PTPRN2: variants seen among roughly 807,000 people sequenced by gnomAD.
PTPRN2 encodes the protein protein tyrosine phosphatase receptor type N2.
PTPRN2 carries 74 observed loss-of-function variants against 118.8 expected under a neutral mutation model. That is an observed-to-expected ratio of 0.62 (90% CI 0.52 to 0.76). PTPRN2 has a LOEUF of 0.76. PTPRN2 is among the 30% of genes least tolerant of loss of function. The probability of loss-of-function intolerance (pLI) is 0.00; values close to 1 mark genes in which losing one functional copy is unlikely to be tolerated. For synonymous variants in PTPRN2, 641 were observed against 608.0 expected (o/e 1.05, Z -0.80); for missense variants, 1,481 against 1,394.4 (o/e 1.06, Z -0.99).
At chr7:158,136,915 G>T (rs1818874402) in intron 7 of PTPRN2, among the ~76,000 whole-genome samples, 1 of 152,204 alleles carries the variant, frequency 6.6e-6, no homozygotes, top group Non-Finnish European at 1.5e-5. Flanking sequence ...CTAAATGGTA[G>T]ACGTGAAGGC....
At chr7:158,295,838 G>T (rs1297799888) in intron 3 of PTPRN2, among the ~76,000 whole-genome samples, 1 of 152,274 alleles carries the variant, frequency 6.6e-6, no homozygotes, top group East Asian at 1.9e-4. Context: ...CTGCCTGTCT[G>T]CCCAGATGCT....
chr7:158,124,473 G>A (rs185746632), intron 9 of PTPRN2, among the ~76,000 whole-genome samples: 134 of 152,328 alleles, frequency 8.8e-4, no homozygotes, highest in African/African-American at 2.7e-3. Flanking sequence ...CTGTACATCT[G>A]GTTTACTTTG....
chr7:157,666,074 G>A (rs1185139039), intron 13 of PTPRN2, among the ~76,000 whole-genome samples: 2 of 151,274 alleles, frequency 1.3e-5, no homozygotes, highest in African/African-American at 2.4e-5. Context: ...CATGGCACAT[G>A]TATACATATG....
At chr7:158,012,009 C>G (rs149309880) in intron 11 of PTPRN2, among the ~76,000 whole-genome samples, 2 of 152,280 alleles carry the variant, frequency 1.3e-5, no homozygotes, top group African/African-American at 4.8e-5. Flanking sequence ...ACTTCAGAAT[C>G]AACTTGGGTG....
rs1563314712 is a variant in PTPRN2 at position 158,455,814 on chromosome 7, C to CGG, written c.163+33920_163+33921insCC. Among the ~76,000 whole-genome samples the CGG allele has an allele frequency of 2.5e-4, 27 of 110,088 alleles. 2 individuals carry two copies. The highest frequency in any genetic ancestry group is 2.5e-4 in the Non-Finnish European group (13 of 52,162). The allele number at this position is 110,088 out of a possible 152,430, so 72.2% of individuals were successfully genotyped here. A position where few individuals can be genotyped will look rare whatever the true frequency, so the allele number is the denominator to read the frequency against. ...TTACTCTGCAGAGAACATAACGGCACAGATGCCATCGGCCACGGCCACCCA... is the reference window on the plus strand; with the variant it reads ...TTACTCTGCAGAGAACATAACGGCACGGAGATGCCATCGGCCACGGCCACCCA... On this transcript the variant is annotated intron_variant, in intron 2 of 22. Transcript: ENST00000389418.
intron 12 of PTPRN2, among the ~76,000 whole-genome samples, chr7:157,723,467 C>T (rs1056140188): frequency 2.6e-5 from 4 of 152,196 alleles, no homozygotes; most frequent in East Asian, 3.9e-4. Context: ...CTCTCGGCCC[C>T]GTGCCCCTCT....
At chr7:157,978,875 G>A (rs1274912180) in intron 11 of PTPRN2, among the ~76,000 whole-genome samples, 4 of 151,990 alleles carry the variant, frequency 2.6e-5, no homozygotes, top group African/African-American at 9.7e-5. Flanking sequence ...GAAGCATAGC[G>A]CCATGATGGG....
chr7:157,652,351 C>T (rs1011041862), intron 14 of PTPRN2, among the ~76,000 whole-genome samples: 5 of 151,954 alleles, frequency 3.3e-5, no homozygotes, highest in African/African-American at 1.2e-4. Context: ...CTCACAGGAA[C>T]CCCAGGGGAA....
chr7:157,846,639 A>T (rs1447224236), intron 12 of PTPRN2, among the ~76,000 whole-genome samples: 2 of 152,054 alleles, frequency 1.3e-5, no homozygotes, highest in Non-Finnish European at 2.9e-5. Flanking sequence ...GGTGTGTCTG[A>T]TGTTTACAGA....
chr7:158,522,278 CG>C (rs1207887933), intron 1 of PTPRN2, among the ~76,000 whole-genome samples: 9 of 70,070 alleles, frequency 1.3e-4, no homozygotes, highest in African/African-American at 1.4e-4. Flanking sequence ...GGTGCTGGCT[CG>C]GGAGGGAGGT....
At chr7:158,106,999 G>C (rs918997853) in intron 10 of PTPRN2, among the ~76,000 whole-genome samples, 2 of 152,086 alleles carry the variant, frequency 1.3e-5, no homozygotes, top group African/African-American at 4.8e-5. Flanking sequence ...GGTTTCCCTA[G>C]AGTTAATATT....
intron 3 of PTPRN2, among the ~76,000 whole-genome samples, chr7:158,276,098 G>A (rs905889007): frequency 2.6e-5 from 4 of 152,100 alleles, no homozygotes; most frequent in Non-Finnish European, 4.4e-5. Context: ...CCAGGGGTGC[G>A]TCTCCTCTCA....
At chr7:157,827,462 C>A (rs2151153098) in intron 12 of PTPRN2, among the ~76,000 whole-genome samples, 1 of 152,300 alleles carries the variant, frequency 6.6e-6, no homozygotes, top group Non-Finnish European at 1.5e-5. Context: ...TGTCCCTGGG[C>A]ACTGTCTGGG....
intron 12 of PTPRN2, among the ~76,000 whole-genome samples, chr7:157,699,215 G>A (rs533815707): frequency 1.1e-4 from 16 of 152,140 alleles, no homozygotes; most frequent in South Asian, 6.2e-4. Flanking sequence ...TTTAAGAAAA[G>A]TGCCTATGTA....
chr7:157,894,158 A>G (rs1395057502), intron 12 of PTPRN2, among the ~76,000 whole-genome samples: 2 of 152,238 alleles, frequency 1.3e-5, no homozygotes, highest in Non-Finnish European at 2.9e-5. Context: ...TCGCACACGC[A>G]CATCGAAATC....
rs565870325 is a variant in PTPRN2 at position 157,590,211 on chromosome 7, T to A, written c.2496+5027A>T. Among the ~76,000 whole-genome samples the A allele has an allele frequency of 6.6e-5, 10 of 151,700 alleles. No individual in the cohort carries two copies. Among genetic ancestry groups the A allele is most frequent in the East Asian group, 1.9e-4 (1 of 5,194 alleles). Reference sequence around the variant, plus strand: ...CTTCCTTTAAAATTGTTCCACACTTTAAAAAAAAAGTTTATATGACAAAAT... The same window carrying A: ...CTTCCTTTAAAATTGTTCCACACTTAAAAAAAAAAGTTTATATGACAAAAT... On this transcript the variant is annotated intron_variant, in intron 17 of 22. Transcript: ENST00000389418. This position sits in a 1 kb window ranked among gnomAD's most constrained non-coding sequence, Gnocchi z 4.0.
chr7:157,612,013 C>G (rs899670192), intron 15 of PTPRN2, among the ~76,000 whole-genome samples: 5 of 152,206 alleles, frequency 3.3e-5, no homozygotes, highest in African/African-American at 1.2e-4. Context: ...TTCTGGCCTC[C>G]GGAATGGGAG....
intron 3 of PTPRN2, among the ~76,000 whole-genome samples, chr7:158,242,639 T>G (rs1278026174): frequency 6.6e-6 from 1 of 152,210 alleles, no homozygotes; most frequent in African/African-American, 2.4e-5. Context: ...CTGGTAGGAT[T>G]CAGCAATGAA....
intron 12 of PTPRN2, among the ~76,000 whole-genome samples, chr7:157,717,027 C>T (rs1024422978): frequency 1.5e-5 from 2 of 136,360 alleles, no homozygotes; most frequent in Non-Finnish European, 3.1e-5. Flanking sequence ...TGCCTGGCCA[C>T]GTAGACTCTG....
Sources: allele counts gnomAD v4.1 joint callset (sites outside exome capture counted in the v4.1 genomes callset), GRCh38; gene constraint gnomAD v4.1.1; non-coding constraint Gnocchi (gnomAD v3.1); transcripts MANE v1.5; gene names NCBI Gene and HGNC (gene_info 2026-07-23, HGNC 2026-07-21).